The following ABCF3 variants were observed in gnomAD, a reference collection of about 807,000 sequenced individuals.
The protein encoded by ABCF3 is ATP binding cassette subfamily F member 3.
Under a neutral mutation model 94.3 loss-of-function variants are expected in ABCF3, and 62 were observed. The observed-to-expected ratio is 0.66, with a 90% CI of 0.54 to 0.81. The LOEUF is 0.81. ABCF3 is among the 40% of genes least tolerant of loss of function. The pLI, the probability that ABCF3 is intolerant of heterozygous loss-of-function variation, is 0.00. For missense variants in ABCF3, 843 were observed against 925.3 expected, an observed-to-expected ratio of 0.91 and a Z score of 1.15; for synonymous variants, 355 against 361.1, an observed-to-expected ratio of 0.98 and a Z score of 0.19.
In ABCF3 at chr3:184,186,592, G is replaced by C; in HGVS notation, c.159G>C (p.Gly53=). The part of the protein sequence containing the change: ...AVGELLQEVS[G]DSKDDAGIRA... ...GGGAACTATTGCAAGAGGTGTCCGG[G>C]GACAGCAAGGATGACGCGGGCATCA... Residue 53 remains glycine (G), a synonymous_variant, in exon 2 of 21, where the codon GGG becomes GGC. Transcript: ENST00000429586. The C allele has an allele frequency of 6.2e-7, 1 of 1,614,010 alleles. No individual in the cohort carries two copies. Among genetic ancestry groups the C allele is most frequent in the Non-Finnish European group, 8.5e-7 (1 of 1,179,948 alleles).
chr3:184,193,700 G>A lies in ABCF3; in HGVS notation c.*2G>A, dbSNP rs1411807960. The A allele has an allele frequency of 7.5e-6, 12 of 1,602,896 alleles. No individual in the cohort carries two copies. The Admixed American group carries it at 2.1e-4, about 27-fold the overall frequency. ...TTCCGCCGCGAAGGCTTCCTCTAGG[G>A]CCACCAGGCTGAGGACTCGCCCAGG... On this transcript the variant is annotated 3_prime_UTR_variant, in exon 21 of 21. Coordinates refer to ENST00000429586, the MANE Select transcript of ABCF3 (RefSeq NM_018358.3). This position sits in a 1 kb window ranked among gnomAD's most constrained non-coding sequence, Gnocchi z 5.2.
chr3:184,190,102 C>A, intron 14 of ABCF3, 171 bp downstream of exon 14: 1 of 674,224 alleles, frequency 1.5e-6, no homozygotes, highest in Non-Finnish European at 2.5e-6. Context: ...GAGGGCTAAT[C>A]TTGACTAGCA....
In ABCF3 at chr3:184,190,991, T is replaced by C. The variant is rs1277495727; in HGVS notation, c.1392-8T>C. On this transcript the variant is annotated splice_polypyrimidine_tract_variant and splice_region_variant and intron_variant, in intron 14 of 20. Coordinates refer to ENST00000429586, the MANE Select transcript of ABCF3 (RefSeq NM_018358.3). ...AATAAATCTAGTCTACCTCATCTCT[T>C]CTCCCAGGCCTGAGCTGAAGCCTGT... 3.1e-6 allele frequency: 5 copies of C among 1,614,076 alleles called. No homozygotes were observed. Among genetic ancestry groups the C allele is most frequent in the Non-Finnish European group, 4.2e-6 (5 of 1,180,012 alleles).
chr3:184,187,479 G>A, intron 4 of ABCF3, 36 bp downstream of exon 4: 2 of 1,601,510 alleles, frequency 1.2e-6, no homozygotes, highest in Non-Finnish European at 1.7e-6. Context: ...GACTGTCTGT[G>A]ATGGGGTTGG....
chr3:184,188,537 C>T, intron 7 of ABCF3, 130 bp downstream of exon 7: 1 of 1,261,014 alleles, frequency 7.9e-7, no homozygotes, highest in Middle Eastern at 2.8e-4. Flanking sequence ...CACTCTGGGA[C>T]TCAGAAGCCC....
Position 184,187,760 on chromosome 3 carries a change from C to T in ABCF3, c.445C>T (p.Leu149=), listed in dbSNP as rs373729525. 347 of 1,614,066 alleles carry T rather than the reference C, an allele frequency of 2.1e-4. No individual in the cohort carries two copies. Among genetic ancestry groups the T allele is most frequent in the Non-Finnish European group, 2.9e-4 (342 of 1,180,042 alleles). ...EKDTLKTSNP[L]VLEEASASQA... is the part of the protein sequence containing the mutation. ...GGACACGCTCAAGACCAGCAACCCT[C>T]TGTGAGTGGGGGAAGCATGGCTCAG... Residue 149 remains leucine (L), a splice_region_variant and synonymous_variant, in exon 5 of 21, where the codon CTA becomes TTA. Coordinates refer to ENST00000429586, the MANE Select transcript of ABCF3 (RefSeq NM_018358.3).
In ABCF3 at chr3:184,187,677, A is replaced by G; in HGVS notation, c.362A>G (p.Lys121Arg). 9.9e-6 allele frequency: 16 copies of G among 1,614,188 alleles called. No individual in the cohort carries two copies. Among genetic ancestry groups the G allele is most frequent in the Non-Finnish European group, 1.4e-5 (16 of 1,180,044 alleles). Residue 121 changes from lysine to arginine, a missense_variant, in exon 5 of 21, where the codon AAG becomes AGG. Transcript: ENST00000429586. ...TTGGACCCTTAGACAGTGAATGCAA[A>G]GAAGTTAGAGAAGGCCGAGGCTCGA... ...KREQSSTVNA[K>R]KLEKAEARLK... is the part of the protein sequence containing the mutation.
rs1023415842 is a variant in ABCF3, at chr3:184,188,857, C to T, written c.917+16C>T. ...CACCTGCCAGGTATTTAAAGCTCCC[C>T]CTCCCTCCTTCAGATTTCCTTTCCC... On this transcript the variant is annotated intron_variant, in intron 8 of 20. Transcript: ENST00000429586. 82 of 1,613,934 alleles carry T rather than the reference C, an allele frequency of 5.1e-5. No individual in the cohort carries two copies. The highest frequency in any genetic ancestry group is 6.6e-5 in the Non-Finnish European group (78 of 1,179,958).
rs747647815 is a variant in ABCF3, at chr3:184,187,665, C to G, written c.350C>G (p.Thr117Arg). ...PGLLKREQSS[T>R]VNAKKLEKAE... ...AAGTCGATGTGTTTGGACCCTTAGA[C>G]AGTGAATGCAAAGAAGTTAGAGAAG... Residue 117 changes from threonine to arginine, a missense_variant and splice_region_variant, in exon 5 of 21, where the codon ACA becomes AGA. Physicochemically the swap from Thr to Arg is moderately conservative, Grantham distance 71. Transcript: ENST00000429586. The G allele has an allele frequency of 6.2e-7, 1 of 1,614,164 alleles. No homozygotes were observed. Among genetic ancestry groups the G allele is most frequent in the East Asian group, 2.2e-5 (1 of 44,886 alleles).
chr3:184,189,724 T>C lies in ABCF3; in HGVS notation c.1281T>C (p.Tyr427=). 3.7e-6 allele frequency: 6 copies of C among 1,613,978 alleles called. No individual in the cohort carries two copies. Among genetic ancestry groups the C allele is most frequent in the Non-Finnish European group, 5.1e-6 (6 of 1,179,994 alleles). ...GGCTGCTCAACCAGCAGCGTGAATA[T>C]GAGGCGCAGCAGCAGTATCGCCAGC... ...QERLLNQQRE[Y]EAQQQYRQHI... The change falls in exon 13 of 21, where the codon TAT becomes TAC. Residue 427 remains tyrosine (Y), a synonymous_variant. Coordinates refer to ENST00000429586, the MANE Select transcript of ABCF3 (RefSeq NM_018358.3).
At position 184,188,779 on chromosome 3, in the gene ABCF3, T is replaced by G. The variant is rs752810860; in HGVS notation, c.855T>G (p.Ala285=). ...CCTCCAGGGCGGAGGGCTCTGAAGC[T>G]GCAGAGCTGGCAGAAATCTATGCCA... ...IAAGRAEGSE[A]AELAEIYAKL... The change falls in exon 8 of 21, where the codon GCT becomes GCG. Residue 285 remains alanine (A), a synonymous_variant. Transcript: ENST00000429586. 1 of 1,613,804 alleles carries G rather than the reference T, an allele frequency of 6.2e-7. No homozygotes were observed. Among genetic ancestry groups the G allele is most frequent in the African/African-American group, 1.3e-5 (1 of 74,912 alleles).
At chr3:184,187,535 A>G (rs1339797935) in intron 4 of ABCF3, 92 bp downstream of exon 4, 1 of 1,543,362 alleles carries the variant, frequency 6.5e-7, no homozygotes, top group Non-Finnish European at 9.0e-7. Context: ...ATTTCTGACT[A>G]TGTCTTTTCC....
Position 184,193,430 on chromosome 3 carries a change from G to A in ABCF3, c.1949G>A (p.Gly650Asp). 1.9e-6 allele frequency: 3 copies of A among 1,614,154 alleles called. 1 individual carries two copies. The South Asian group carries it at 3.3e-5, about 18-fold the overall frequency. The change falls in exon 20 of 21, where the codon GGC becomes GAC. Residue 650 changes from glycine (G) to aspartate (D), a missense_variant. Physicochemically the swap from Gly to Asp is moderately conservative, Grantham distance 94. Transcript: ENST00000429586. This position sits in a 1 kb window ranked among gnomAD's most constrained non-coding sequence, Gnocchi z 5.2. Reference protein sequence around the residue: ...HLDMETIEALGRALNNFRGGV... With the variant: ...HLDMETIEALDRALNNFRGGV... ...GACATGGAGACCATTGAGGCTCTGG[G>A]CCGTGCCCTCAACAATTTCAGGGTG... is the stretch of plus-strand genomic sequence containing the variant.
In ABCF3 at chr3:184,187,688, A is replaced by C. The variant is rs1715727873; in HGVS notation, c.373A>C (p.Lys125Gln). 6.2e-7 allele frequency: 1 copy of C among 1,614,224 alleles called. No homozygotes were observed. The highest frequency in any genetic ancestry group is 8.5e-7 in the Non-Finnish European group (1 of 1,180,050). ...GACAGTGAATGCAAAGAAGTTAGAG[A>C]AGGCCGAGGCTCGACTTAAGGCAAA... is the stretch of plus-strand genomic sequence containing the variant. Reference protein sequence around the residue: ...SSTVNAKKLEKAEARLKAKQE... With the variant: ...SSTVNAKKLEQAEARLKAKQE... Residue 125 changes from lysine to glutamine, a missense_variant, in exon 5 of 21, where the codon AAG becomes CAG. Coordinates refer to ENST00000429586, the MANE Select transcript of ABCF3 (RefSeq NM_018358.3).
At position 184,193,672 on chromosome 3, in the gene ABCF3, C is replaced by T. The variant is rs1716174582; in HGVS notation, c.2104C>T (p.Gln702Ter). 4.3e-6 allele frequency: 7 copies of T among 1,613,616 alleles called. No individual in the cohort carries two copies. The highest frequency in any genetic ancestry group is 5.1e-6 in the Non-Finnish European group (6 of 1,179,672). ...FDQYRALLQE[Q>*]FRREGFL The stretch of plus-strand genomic sequence containing the variant: ...CCAGTACCGCGCCCTCCTCCAGGAA[C>T]AGTTCCGCCGCGAAGGCTTCCTCTA... The change falls in exon 21 of 21, where the codon CAG becomes TAG. Residue 702 changes from glutamine (Q) to a stop codon, truncating the protein, a stop_gained. Transcript: ENST00000429586. LOFTEE classifies it high-confidence loss of function. This position sits in a 1 kb window ranked among gnomAD's most constrained non-coding sequence, Gnocchi z 5.2.
rs1033415613 is a variant in ABCF3, at chr3:184,194,002, C to A, written c.*304C>A. The A allele has an allele frequency of 1.5e-5, 5 of 327,502 alleles. No individual in the cohort carries two copies. The highest frequency in any genetic ancestry group is 2.8e-5 in the Non-Finnish European group (5 of 177,390). 20.3% of individuals were successfully genotyped at this position (327,502 alleles called of 1,614,324 possible). A position where few individuals can be genotyped will look rare whatever the true frequency, so the allele number is the denominator to read the frequency against. ...GCTATGTAAATTAAATCTCTCCCCG[C>A]GTCTCCTTTGCCTCATGTCTGCTGC... On this transcript the variant is annotated 3_prime_UTR_variant, in exon 21 of 21. Coordinates refer to ENST00000429586, the MANE Select transcript of ABCF3 (RefSeq NM_018358.3).
Position 184,186,647 on chromosome 3 carries a change from C to T in ABCF3, c.214C>T (p.Leu72=), listed in dbSNP as rs1293160133. The T allele has an allele frequency of 6.2e-7, 1 of 1,608,550 alleles. No homozygotes were observed. Among genetic ancestry groups the T allele is most frequent in the Non-Finnish European group, 8.5e-7 (1 of 1,176,890 alleles). The change falls in exon 2 of 21, where the codon CTG becomes TTG. Residue 72 remains leucine, a synonymous_variant. Transcript: ENST00000429586. ...CGTGTGCCAGCGCATGTACAACACT[C>T]TGCGTCTGTATGTGCCAGGGAGTAG... is the stretch of plus-strand genomic sequence containing the variant. ...RAVCQRMYNT[L]RLAEPQSQGN...
intron 2 of ABCF3, 58 bp downstream of exon 2, chr3:184,186,712 CAA>C (rs1040042943): frequency 1.1e-5 from 18 of 1,591,262 alleles, no homozygotes; most frequent in South Asian, 3.4e-5. Flanking sequence ...GGTCCGGAGA[CAA>C]GAGGTGGGGG....
At chr3:184,186,385 G>C (rs949363975) in intron 1 of ABCF3, 105 bp downstream of exon 1, 32 of 1,587,488 alleles carry the variant, frequency 2.0e-5, no homozygotes, top group Non-Finnish European at 2.7e-5. Flanking sequence ...TCCTCTGCAT[G>C]ACCTCTTGTC....
Sources: allele counts gnomAD v4.1 joint callset, GRCh38; gene constraint gnomAD v4.1.1; non-coding constraint Gnocchi (gnomAD v3.1); transcripts MANE v1.5; gene names NCBI Gene and HGNC (gene_info 2026-07-23, HGNC 2026-07-21).